Variants in SLC38A12 observed in about 807,000 individuals in gnomAD.
SLC38A12 encodes putative sodium-coupled neutral amino acid transporter 12.
the SLC38A12 span, among the ~76,000 whole-genome samples, chr17:74,778,857 A>C: frequency 6.6e-6 from 1 of 152,084 alleles, no homozygotes; most frequent in African/African-American, 2.4e-5. Context: ...TAGTAGAGAC[A>C]GGGTTTCACC....
At chr17:74,818,253 C>T in the SLC38A12 span, among the ~76,000 whole-genome samples, 1 of 152,174 alleles carries the variant, frequency 6.6e-6, no homozygotes, top group South Asian at 2.1e-4. Flanking sequence ...TGCCCAGCCC[C>T]ATCCCCCAAG....
the SLC38A12 span, chr17:74,836,455 C>T: frequency 6.2e-7 from 1 of 1,608,556 alleles, no homozygotes; most frequent in Non-Finnish European, 8.5e-7. The surrounding 1 kb of genome is among the most constrained non-coding windows in gnomAD (Gnocchi z 4.2). Flanking sequence ...GACCTGGAGT[C>T]CCTGGTGGGC....
the SLC38A12 span, among the ~76,000 whole-genome samples, chr17:74,807,985 A>G: frequency 5.2e-3 from 796 of 152,388 alleles, 7 homozygotes; most frequent in African/African-American, 0.018. Flanking sequence ...CTGATGGCTC[A>G]TAATCATTAG....
the SLC38A12 span, among the ~76,000 whole-genome samples, chr17:74,786,331 A>G: frequency 7.8e-6 from 1 of 127,932 alleles, no homozygotes; most frequent in African/African-American, 2.5e-5. Context: ...AGCTGCAAAA[A>G]AGAGATGGGA....
chr17:74,819,211 C>T, the SLC38A12 span, among the ~76,000 whole-genome samples: 23 of 152,346 alleles, frequency 1.5e-4, no homozygotes, highest in Admixed American at 1.2e-3. Context: ...AAGTCAAAAA[C>T]GTGGCCCATG....
the SLC38A12 span, among the ~76,000 whole-genome samples, chr17:74,812,116 C>T: frequency 3.8e-4 from 57 of 151,998 alleles, 1 homozygote; most frequent in African/African-American, 1.2e-3. Context: ...GTTCCCCCAC[C>T]GAGATGTTTG....
chr17:74,819,907 T>TGAAAG, the SLC38A12 span: 7 of 1,452,868 alleles, frequency 4.8e-6, no homozygotes, highest in Non-Finnish European at 6.7e-6. Context: ...TCTCCTTTCA[T>TGAAAG]GAGAGGCCGT....
the SLC38A12 span, among the ~76,000 whole-genome samples, chr17:74,782,841 G>C: frequency 6.6e-6 from 1 of 152,166 alleles, no homozygotes; most frequent in Non-Finnish European, 1.5e-5. Context: ...ATCAAATTGA[G>C]ATTGAGGGCT....
the SLC38A12 span, among the ~76,000 whole-genome samples, chr17:74,809,019 T>C: frequency 6.6e-6 from 1 of 152,240 alleles, no homozygotes; most frequent in Admixed American, 6.5e-5. Flanking sequence ...AGGAAGTTTC[T>C]GACGTTCCTT....
At chr17:74,819,335 GAGTC>G in the SLC38A12 span, among the ~76,000 whole-genome samples, 1 of 152,232 alleles carries the variant, frequency 6.6e-6, no homozygotes, top group African/African-American at 2.4e-5. Context: ...AGTAAACTAA[GAGTC>G]AGAGACATGG....
chr17:74,825,845 G>T, the SLC38A12 span, among the ~76,000 whole-genome samples: 4 of 152,206 alleles, frequency 2.6e-5, no homozygotes, highest in African/African-American at 9.7e-5. Flanking sequence ...CAGCAAGTCA[G>T]GCCGTCATAT....
At chr17:74,802,947 A>T in the SLC38A12 span, among the ~76,000 whole-genome samples, 1 of 152,066 alleles carries the variant, frequency 6.6e-6, no homozygotes, top group African/African-American at 2.4e-5. Context: ...CCCCACCCCC[A>T]TTCACCAATT....
the SLC38A12 span, chr17:74,790,980 T>A: frequency 6.2e-6 from 10 of 1,614,084 alleles, no homozygotes; most frequent in South Asian, 1.1e-5. Flanking sequence ...CCCAACCCGT[T>A]TGAAATCACA....
the SLC38A12 span, among the ~76,000 whole-genome samples, chr17:74,807,934 TC>T: frequency 1.3e-5 from 2 of 152,220 alleles, no homozygotes; most frequent in Non-Finnish European, 2.9e-5. Context: ...TCCGTGGTCC[TC>T]CGTCAGGCTT....
the SLC38A12 span, among the ~76,000 whole-genome samples, chr17:74,788,587 C>T: frequency 1.3e-5 from 2 of 152,186 alleles, no homozygotes; most frequent in East Asian, 1.9e-4. Context: ...TCTCGTGCAC[C>T]GGAAATACGT....
chr17:74,784,652 T>C, the SLC38A12 span, among the ~76,000 whole-genome samples: 3 of 151,918 alleles, frequency 2.0e-5, no homozygotes, highest in Non-Finnish European at 4.4e-5. Flanking sequence ...CTGGAGAGCA[T>C]CACAGAAGGG....
chr17:74,836,822 C>A, the SLC38A12 span: 1 of 1,419,908 alleles, frequency 7.0e-7, no homozygotes, highest in East Asian at 2.6e-5. This position sits in a 1 kb window ranked among gnomAD's most constrained non-coding sequence, Gnocchi z 4.2. Context: ...AACCCCCTGT[C>A]CAGCTGGGGT....
At chr17:74,817,041 C>T in the SLC38A12 span, among the ~76,000 whole-genome samples, 69 of 134,680 alleles carry the variant, frequency 5.1e-4, no homozygotes, top group Admixed American at 8.4e-4. Flanking sequence ...AAGACCTCAG[C>T]GGCCACACCG....
At chr17:74,795,104 G>T in the SLC38A12 span, 26 of 1,613,902 alleles carry the variant, frequency 1.6e-5, no homozygotes, top group Non-Finnish European at 2.2e-5. Flanking sequence ...CCTCATGCAG[G>T]TGACCTGGTG....
Sources: allele counts gnomAD v4.1 joint callset (sites outside exome capture counted in the v4.1 genomes callset), GRCh38; gene constraint gnomAD v4.1.1; non-coding constraint Gnocchi (gnomAD v3.1); transcripts MANE v1.5; gene names NCBI Gene and HGNC (gene_info 2026-07-23, HGNC 2026-07-21).